The following SPRED1 variants were observed in gnomAD, a reference collection of about 807,000 sequenced individuals.
The protein encoded by SPRED1 is sprouty related EVH1 domain containing 1.
In SPRED1, 18 loss-of-function variants were observed where a neutral mutation model predicts 52.3. The observed-to-expected ratio is 0.34, with a 90% CI of 0.24 to 0.51. SPRED1 has a LOEUF of 0.51. Ranked by LOEUF, SPRED1 falls within the 20% of genes least tolerant of loss-of-function variation. The pLI is 0.97. For synonymous variants in SPRED1, 155 were observed against 179.7 expected (o/e 0.86, Z 1.10); for missense variants, 485 against 551.0 (o/e 0.88, Z 1.20).
At chr15:38,337,444 C>T (rs942475862) in intron 4 of SPRED1, among the ~76,000 whole-genome samples, 1 of 152,060 alleles carries the variant, frequency 6.6e-6, no homozygotes, top group African/African-American at 2.4e-5. Context: ...TTCACTGAGA[C>T]CCGTTTAGGT....
At chr15:38,282,817 T>C (rs1314916782) in intron 1 of SPRED1, among the ~76,000 whole-genome samples, 1 of 152,216 alleles carries the variant, frequency 6.6e-6, no homozygotes, top group Admixed American at 6.6e-5. Flanking sequence ...TGTCTGTTTT[T>C]TCTTTAAGGA....
At chr15:38,323,808 G>A (rs1266638063) in intron 3 of SPRED1, among the ~76,000 whole-genome samples, 10 of 152,006 alleles carry the variant, frequency 6.6e-5, no homozygotes, top group African/African-American at 2.4e-4. Flanking sequence ...CATGGCTGCT[G>A]GAATTTATAT....
Position 38,352,028 on chromosome 15 carries a change from AAAAAT to A in SPRED1, c.*369_*373del, listed in dbSNP as rs1595764348. The stretch of plus-strand genomic sequence containing the variant: ...GTTTGAATTTATTAGGACACGAACT[AAAAAT>A]AAAAGTGCACTAGGGGACAGTTGAT... On this transcript the variant is annotated 3_prime_UTR_variant, in exon 7 of 7. Coordinates refer to ENST00000299084, the MANE Select transcript of SPRED1 (RefSeq NM_152594.3). 8.1e-6 allele frequency: 2 copies of A among 248,124 alleles called. No homozygotes were observed. Among genetic ancestry groups the A allele is most frequent in the Admixed American group, 1.0e-4 (2 of 19,568 alleles). The allele number at this position is 248,124 out of a possible 1,614,324, so 15.4% of individuals were successfully genotyped here.
In SPRED1 at chr15:38,349,414, T is replaced by C. The variant is rs755068474; in HGVS notation, c.583-8T>C. On this transcript the variant is annotated splice_region_variant and splice_polypyrimidine_tract_variant and intron_variant, in intron 5 of 6. Coordinates refer to ENST00000299084, the MANE Select transcript of SPRED1 (RefSeq NM_152594.3). ...GTGTCATTTAAGTAGAAATTGTTTG[T>C]ATTTTAGATAACATTTGGTCAGCCA... 2.5e-6 allele frequency: 4 copies of C among 1,596,774 alleles called. No homozygotes were observed. The highest frequency in any genetic ancestry group is 3.4e-6 in the Non-Finnish European group (4 of 1,164,750).
At chr15:38,308,783 A>T (rs945750293) in intron 2 of SPRED1, among the ~76,000 whole-genome samples, 2 of 152,220 alleles carry the variant, frequency 1.3e-5, no homozygotes, top group Non-Finnish European at 2.9e-5. Flanking sequence ...TGCTGTGAAC[A>T]TTCACATACA....
At chr15:38,305,648 C>G (rs1300288458) in intron 2 of SPRED1, among the ~76,000 whole-genome samples, 1 of 151,680 alleles carries the variant, frequency 6.6e-6, no homozygotes, top group African/African-American at 2.4e-5. Context: ...ACACAGTGAC[C>G]AAGGAAGGCC....
intron 1 of SPRED1, among the ~76,000 whole-genome samples, chr15:38,276,783 AT>A (rs1894563775): frequency 6.6e-6 from 1 of 152,150 alleles, no homozygotes; most frequent in African/African-American, 2.4e-5. Flanking sequence ...TGACTTACAC[AT>A]TTTGAGCCTG....
intron 1 of SPRED1, chr15:38,268,105 A>G (rs1894349932): frequency 6.6e-6 from 1 of 152,338 alleles, no homozygotes; most frequent in South Asian, 2.1e-4. Flanking sequence ...TTGCTATATC[A>G]TTTGGAGCAC....
At chr15:38,344,847 C>T (rs1290641509) in intron 5 of SPRED1, among the ~76,000 whole-genome samples, 2 of 151,980 alleles carry the variant, frequency 1.3e-5, no homozygotes, top group African/African-American at 4.8e-5. Flanking sequence ...CTTAGAGAAA[C>T]AAGGGTTATA....
At chr15:38,326,190 A>G (rs8025970) in intron 4 of SPRED1, 2 of 152,306 alleles carry the variant, frequency 1.3e-5, no homozygotes, top group Non-Finnish European at 2.9e-5. Flanking sequence ...TTAGTGGCTG[A>G]AAGCTTAGCA....
intron 1 of SPRED1, among the ~76,000 whole-genome samples, chr15:38,253,453 A>G (rs1894025209): frequency 6.6e-6 from 1 of 152,040 alleles, no homozygotes; most frequent in African/African-American, 2.4e-5. Context: ...GAGGATGGCA[A>G]TTGTACGTCT....
Position 38,299,534 on chromosome 15 carries a change from T to G in SPRED1, c.194T>G (p.Leu65Arg), listed in dbSNP as rs1895112028. Residue 65 changes from leucine (L) to arginine (R), a missense_variant, in exon 2 of 7, where the codon CTC becomes CGC. Physicochemically the swap from Leu to Arg is moderately radical, Grantham distance 102. Around this residue, in one of 5 missense-constraint regions of SPRED1, gnomAD observed 232 missense variants for 231.8 expected, o/e 1.00. Coordinates refer to ENST00000299084, the MANE Select transcript of SPRED1 (RefSeq NM_152594.3). ...GACTTTTTTATCCGTGGAGAGCGAC[T>G]CAGGGACAAAATGGTAATGAATAAT... ...CADFFIRGERLRDKMVVLECM... is the reference protein window; with the variant it reads ...CADFFIRGERRRDKMVVLECM... 1 of 1,613,756 alleles carries G rather than the reference T, an allele frequency of 6.2e-7. No homozygotes were observed. Among genetic ancestry groups the G allele is most frequent in the Admixed American group, 1.7e-5 (1 of 59,978 alleles).
At chr15:38,255,385 A>T (rs1894073539) in intron 1 of SPRED1, among the ~76,000 whole-genome samples, 1 of 152,190 alleles carries the variant, frequency 6.6e-6, no homozygotes, top group Non-Finnish European at 1.5e-5. Flanking sequence ...CTTTATTAAT[A>T]AATTATTCCC....
intron 1 of SPRED1, among the ~76,000 whole-genome samples, chr15:38,274,876 G>GCAT (rs777729952): frequency 2.6e-5 from 4 of 152,190 alleles, no homozygotes; most frequent in Non-Finnish European, 4.4e-5. Flanking sequence ...GTATCCTTGT[G>GCAT]CATCAGTTCA....
At chr15:38,305,630 G>GTA (rs777927798) in intron 2 of SPRED1, among the ~76,000 whole-genome samples, 6 of 150,994 alleles carry the variant, frequency 4.0e-5, no homozygotes, top group Non-Finnish European at 5.9e-5. Context: ...TGGCTAAAAT[G>GTA]TATATAGACA....
At chr15:38,299,319 T>C in intron 1 of SPRED1, 54 bp from the exon 2 acceptor site, 1 of 1,587,476 alleles carries the variant, frequency 6.3e-7, no homozygotes, top group Middle Eastern at 1.8e-4. Flanking sequence ...ACTGATGGCT[T>C]GGCTGTTTTT....
chr15:38,294,441 A>G (rs970486327), intron 1 of SPRED1, among the ~76,000 whole-genome samples: 17 of 152,142 alleles, frequency 1.1e-4, no homozygotes, highest in African/African-American at 4.1e-4. Flanking sequence ...ATCTTCGAGA[A>G]CGTGTTTCCT....
At chr15:38,276,815 G>T (rs1171982959) in intron 1 of SPRED1, among the ~76,000 whole-genome samples, 2 of 152,112 alleles carry the variant, frequency 1.3e-5, no homozygotes, top group African/African-American at 2.4e-5. Context: ...GTTTTTGCCT[G>T]ATTTATGAAA....
chr15:38,338,981 C>T (rs1239847514), intron 4 of SPRED1, among the ~76,000 whole-genome samples: 1 of 151,970 alleles, frequency 6.6e-6, no homozygotes, highest in Non-Finnish European at 1.5e-5. Flanking sequence ...AGTATTTCAG[C>T]CACTTTTACT....
Sources: gnomAD v4.1 joint callset for allele counts (sites outside exome capture counted in the v4.1 genomes callset) on GRCh38, gnomAD v4.1.1 for gene constraint, gnomAD v4.1.1 regional missense constraint, MANE v1.5 for transcripts, NCBI Gene and HGNC (gene_info 2026-07-23, HGNC 2026-07-21) for gene names.